Variants in ACAD11 observed in about 807,000 individuals in gnomAD.
The protein encoded by ACAD11 is acyl-CoA dehydrogenase family member 11, also known as acyl-Coenzyme A dehydrogenase family, member 11.
ACAD11 carries 83 observed loss-of-function variants against 102.2 expected under a neutral mutation model. The ratio of observed to expected loss-of-function variants is 0.81; its 90% confidence interval spans 0.68 to 0.97. The LOEUF (loss-of-function observed/expected upper bound fraction) is 0.97, where lower values mean the gene tolerates loss of function less well. Ranked by LOEUF, ACAD11 falls within the 50% of genes least tolerant of loss-of-function variation. ACAD11 has a pLI of 0.00. For missense variants in ACAD11, 901 were observed against 951.7 expected (o/e 0.95, Z 0.70); for synonymous variants, 324 against 319.8 (o/e 1.01, Z -0.14).
At position 132,642,682 on chromosome 3, in the gene ACAD11, C is replaced by T. The variant is rs1940569965; in HGVS notation, c.370G>A (p.Val124Met). The change falls in exon 3 of 20, where the codon GTG (valine) becomes ATG (methionine). Residue 124 changes from valine to methionine, a missense_variant. Transcript: ENST00000264990. Reference protein sequence around the residue: ...IGTEFYVMEHVQGRIFRDLTI... With the variant: ...IGTEFYVMEHMQGRIFRDLTI... ...AAGATTAAGTGTTAATTTACCTGCA[C>T]ATGTTCCATTACGTAAAATTCTGTT... is the stretch of plus-strand genomic sequence containing the variant. 3 of 1,605,912 alleles carry T rather than the reference C, an allele frequency of 1.9e-6. No individual in the cohort carries two copies. Among genetic ancestry groups the T allele is most frequent in the African/African-American group, 1.3e-5 (1 of 74,630 alleles).
intron 13 of ACAD11, chr3:132,602,146 A>T (rs1270418681): frequency 6.0e-6 from 1 of 166,410 alleles, no homozygotes; most frequent in Non-Finnish European, 1.5e-5. Flanking sequence ...TGTTTTTTTT[A>T]AATTTGTAAG....
At chr3:132,628,574 C>T (rs1038863619) in intron 7 of ACAD11, 128 bp from the exon 8 acceptor site, 24 of 587,572 alleles carry the variant, frequency 4.1e-5, no homozygotes, top group East Asian at 1.2e-4. Flanking sequence ...AACAGACTAT[C>T]GACGATATTA....
intron 13 of ACAD11, among the ~76,000 whole-genome samples, chr3:132,595,036 G>A (rs1233325459): frequency 1.3e-5 from 2 of 152,182 alleles, no homozygotes; most frequent in African/African-American, 2.4e-5. Flanking sequence ...ACAAATTACA[G>A]CAATCACAGC....
At position 132,605,174 on chromosome 3, in the gene ACAD11, A is replaced by C. The variant is rs376625472; in HGVS notation, c.1446T>G (p.Tyr482Ter). Residue 482 changes from tyrosine to a stop codon, truncating the protein, a stop_gained, in exon 12 of 20, where the codon TAT becomes TAG. Coordinates refer to ENST00000264990, the MANE Select transcript of ACAD11 (RefSeq NM_032169.5). LOFTEE classifies it high-confidence loss of function. ...ACTGTTTCTTCTGTTCCTCACTTCC[A>C]TACAGGTGCAGAACCTCCATATTCC... is the stretch of plus-strand genomic sequence containing the variant. Reference protein sequence around the residue: ...DTGNMEVLHLYGSEEQKKQWL... With the variant: ...DTGNMEVLHL 3 of 1,613,358 alleles carry C rather than the reference A, an allele frequency of 1.9e-6. No homozygotes were observed. The African/African-American group carries it at 4.0e-5, about 22-fold the overall frequency.
rs145935457 is a variant in ACAD11, at chr3:132,579,529, T to C, written c.1651A>G (p.Ile551Val). Residue 551 changes from isoleucine to valine, a missense_variant, in exon 14 of 20, where the codon ATT becomes GTT. Coordinates refer to ENST00000264990, the MANE Select transcript of ACAD11 (RefSeq NM_032169.5). Reference sequence around the variant, plus strand: ...GTATTTTGAGTTCTTCCCAAAACAATTGCAATTTTGCACTTGGGATTCCCA... The same window carrying C: ...GTATTTTGAGTTCTTCCCAAAACAACTGCAATTTTGCACTTGGGATTCCCA... ...GAGNPKCKIA[I>V]VLGRTQNTSL... is the part of the protein sequence containing the mutation. 1,352 of 1,613,082 alleles carry C rather than the reference T, an allele frequency of 8.4e-4. 10 individuals are homozygous for C. In the Middle Eastern group the frequency reaches 9.8e-3, roughly 12 times the overall value.
At chr3:132,595,063 A>C (rs72998164) in intron 13 of ACAD11, among the ~76,000 whole-genome samples, 2,412 of 152,328 alleles carry the variant, frequency 0.016, 64 homozygotes, top group African/African-American at 0.055. Context: ...GATATGGTGC[A>C]TTAGAACATG....
At chr3:132,627,216 A>C (rs1939857327) in intron 8 of ACAD11, 1 of 155,124 alleles carries the variant, frequency 6.4e-6, no homozygotes, top group African/African-American at 2.4e-5. Context: ...TCTTTAGCTC[A>C]AGTGTGGTAG....
Position 132,656,692 on chromosome 3 carries a change from C to T in ACAD11, c.149+2911G>A, listed in dbSNP as rs368417671. ...TATTTTTAGTAGAGACGGGGTTTCA[C>T]CATGTTGGCCAGGCTGGTCTCGAAC... On this transcript the variant is annotated intron_variant, in intron 1 of 19. Transcript: ENST00000264990. Among the ~76,000 whole-genome samples the T allele has an allele frequency of 5.3e-5, 8 of 152,052 alleles. No homozygotes were observed. The East Asian group carries it at 9.6e-4, about 18-fold the overall frequency.
At chr3:132,579,856 T>A (rs534795228) in intron 13 of ACAD11, among the ~76,000 whole-genome samples, 1 of 152,218 alleles carries the variant, frequency 6.6e-6, no homozygotes, top group African/African-American at 2.4e-5. Context: ...ATCAGCATGC[T>A]AGAAAAGCTG....
intron 7 of ACAD11, among the ~76,000 whole-genome samples, chr3:132,629,030 T>C (rs1037399316): frequency 5.9e-5 from 9 of 152,246 alleles, no homozygotes; most frequent in African/African-American, 2.2e-4. Context: ...ATTCCTTATA[T>C]AATAAAACAC....
chr3:132,604,668 A>ATGTC (rs1310326218), intron 12 of ACAD11, among the ~76,000 whole-genome samples: 1 of 152,224 alleles, frequency 6.6e-6, no homozygotes, highest in Non-Finnish European at 1.5e-5. Flanking sequence ...TTTGAGCCAT[A>ATGTC]TGTCCAGTAC....
chr3:132,597,817 T>C (rs1938380988), intron 13 of ACAD11, among the ~76,000 whole-genome samples: 1 of 152,140 alleles, frequency 6.6e-6, no homozygotes, highest in South Asian at 2.1e-4. Context: ...AGGTTCAAGA[T>C]TTTCTGATGA....
chr3:132,632,613 A>C (rs1940095320), intron 5 of ACAD11, among the ~76,000 whole-genome samples: 1 of 152,168 alleles, frequency 6.6e-6, no homozygotes, highest in African/African-American at 2.4e-5. Context: ...AATTCTGTGA[A>C]GAAAGTCATT....
chr3:132,642,798 T>A lies in ACAD11; in HGVS notation c.254A>T (p.Asp85Val), dbSNP rs1285735094. The A allele has an allele frequency of 6.2e-7, 1 of 1,606,848 alleles. No individual in the cohort carries two copies. The highest frequency in any genetic ancestry group is 8.5e-7 in the Non-Finnish European group (1 of 1,177,958). ...GGCTTTCTGGACTTTAAATTCTCTA[T>A]CAATCTAAATAGGATGATGAATCAT... ...GSLLPKAHQIDREFKVQKALF... is the reference protein window; with the variant it reads ...GSLLPKAHQIVREFKVQKALF... The change falls in exon 3 of 20, where the codon GAT (aspartate) becomes GTT (valine). Residue 85 changes from aspartate to valine, a missense_variant. Transcript: ENST00000264990.
At chr3:132,613,070 T>G (rs952499098) in intron 11 of ACAD11, among the ~76,000 whole-genome samples, 9 of 152,040 alleles carry the variant, frequency 5.9e-5, no homozygotes, top group African/African-American at 2.2e-4. Flanking sequence ...GTTCATGTCC[T>G]TTGTAGGGAC....
chr3:132,642,186 C>A lies in ACAD11; in HGVS notation c.376-53G>T, dbSNP rs542853234. On this transcript the variant is annotated intron_variant, in intron 3 of 19. Transcript: ENST00000264990. ...TAAATGTGTATAATCAATACTTTGT[C>A]GAATATACTAGAAAAACATTCATTT... 7 of 1,444,584 alleles carry A rather than the reference C, an allele frequency of 4.8e-6. No individual in the cohort carries two copies. The South Asian group carries it at 5.9e-5, about 12-fold the overall frequency. 89.5% of individuals were successfully genotyped at this position (1,444,584 alleles called of 1,614,324 possible).
chr3:132,600,558 T>C (rs754527548), intron 13 of ACAD11: 43 of 1,613,872 alleles, frequency 2.7e-5, no homozygotes, highest in Admixed American at 2.0e-4. Context: ...GTTTTCGTCA[T>C]TGGACTTGCA....
At chr3:132,588,889 T>C (rs1437806501) in intron 13 of ACAD11, among the ~76,000 whole-genome samples, 1 of 152,212 alleles carries the variant, frequency 6.6e-6, no homozygotes, top group Non-Finnish European at 1.5e-5. Context: ...TTATAGATGC[T>C]AACAGGTAAA....
chr3:132,642,709 C>T lies in ACAD11; in HGVS notation c.343G>A (p.Gly115Arg). The T allele has an allele frequency of 6.2e-7, 1 of 1,610,880 alleles. No individual in the cohort carries two copies. Among genetic ancestry groups the T allele is most frequent in the South Asian group, 1.1e-5 (1 of 90,082 alleles). ...ILYCSDTSVI[G>R]TEFYVMEHVQ... ...TGTTCCATTACGTAAAATTCTGTTC[C>T]AATGACAGAAGTATCACTGCAGTAC... The change falls in exon 3 of 20, where the codon GGA (glycine) becomes AGA (arginine). Residue 115 changes from glycine (G) to arginine (R), a missense_variant. Physicochemically the swap from Gly to Arg is moderately radical, Grantham distance 125 (BLOSUM62 -2). Transcript: ENST00000264990.
Sources: allele counts gnomAD v4.1 joint callset (sites outside exome capture counted in the v4.1 genomes callset), GRCh38; gene constraint gnomAD v4.1.1; transcripts MANE v1.5; gene names NCBI Gene and HGNC (gene_info 2026-07-23, HGNC 2026-07-21).